The following RGS22 variants were observed in gnomAD, a reference collection of about 807,000 sequenced individuals.
RGS22 encodes the protein regulator of G protein signaling 22.
A neutral mutation model predicts 172.9 loss-of-function variants in RGS22; 148 were observed. That is an observed-to-expected ratio of 0.86 (90% CI 0.75 to 0.98). RGS22 has a LOEUF of 0.98. Among genes scored for constraint, RGS22 ranks in the 50% least tolerant of loss-of-function variants. The pLI, the probability that RGS22 is intolerant of heterozygous loss-of-function variation, is 0.00. For synonymous variants in RGS22, 458 were observed against 480.2 expected (o/e 0.95, Z 0.60); for missense variants, 1,347 against 1,440.8 (o/e 0.93, Z 1.05).
At chr8:100,039,234 C>T (rs1226869384) in intron 13 of RGS22, among the ~76,000 whole-genome samples, 1 of 152,098 alleles carries the variant, frequency 6.6e-6, no homozygotes, top group Non-Finnish European at 1.5e-5. Context: ...TATATTTTTG[C>T]ATGTATGCCT....
chr8:100,054,257 T>C (rs1297874413), intron 9 of RGS22: 1 of 152,304 alleles, frequency 6.6e-6, no homozygotes, highest in Non-Finnish European at 1.5e-5. Context: ...GACTAATTCT[T>C]ATTCCATATT....
chr8:100,009,408 A>T (rs1038635471), intron 14 of RGS22, among the ~76,000 whole-genome samples: 2 of 149,300 alleles, frequency 1.3e-5, no homozygotes, highest in African/African-American at 2.5e-5. Flanking sequence ...CTGGGTGACA[A>T]AGTGAGACTC....
At chr8:100,016,048 A>G (rs1029924326) in intron 14 of RGS22, among the ~76,000 whole-genome samples, 11 of 152,242 alleles carry the variant, frequency 7.2e-5, no homozygotes, top group African/African-American at 2.7e-4. Flanking sequence ...TCTATATTTA[A>G]TTGTCATCAG....
At chr8:100,052,086 T>G (rs1821641619) in intron 10 of RGS22, among the ~76,000 whole-genome samples, 1 of 87,562 alleles carries the variant, frequency 1.1e-5, no homozygotes, top group Non-Finnish European at 2.1e-5. Context: ...TGTTTATATA[T>G]ATTTATATAT....
chr8:100,077,488 T>C (rs1466135238), intron 4 of RGS22, among the ~76,000 whole-genome samples: 5 of 152,224 alleles, frequency 3.3e-5, no homozygotes, highest in African/African-American at 1.2e-4. Flanking sequence ...ACTTAGTCTT[T>C]GACCTATGAA....
At chr8:100,078,904 G>A (rs1034638452) in intron 4 of RGS22, among the ~76,000 whole-genome samples, 5 of 152,204 alleles carry the variant, frequency 3.3e-5, no homozygotes, top group African/African-American at 1.2e-4. Context: ...TGGGATTATA[G>A]GTGTGAGCCA....
At chr8:100,024,381 G>A (rs1589000385) in intron 14 of RGS22, among the ~76,000 whole-genome samples, 1 of 152,146 alleles carries the variant, frequency 6.6e-6, no homozygotes, top group South Asian at 2.1e-4. Context: ...ACACTCAGCT[G>A]GCTGTCATTT....
At chr8:100,004,998 T>C (rs1047852370) in intron 16 of RGS22, among the ~76,000 whole-genome samples, 2 of 151,998 alleles carry the variant, frequency 1.3e-5, no homozygotes, top group African/African-American at 4.8e-5. Flanking sequence ...TATTTGTTTT[T>C]GTAAAGGATC....
rs116388569 is a variant in RGS22, at chr8:100,000,778, A to G, written c.2791-1358T>C. Among the ~76,000 whole-genome samples the G allele has an allele frequency of 4.2e-3, 645 of 152,312 alleles. 7 individuals are homozygous for G. Among genetic ancestry groups the G allele is most frequent in the African/African-American group, 0.015 (605 of 41,574 alleles). ...CCAACCACTTTTGCTAATGTGTCCC[A>G]GATTTGTATCTCAGGGAACTAAGGA... On this transcript the variant is annotated intron_variant, in intron 18 of 27. Transcript: ENST00000360863.
intron 14 of RGS22, among the ~76,000 whole-genome samples, chr8:100,028,392 T>C (rs1323167525): frequency 6.6e-6 from 1 of 150,994 alleles, no homozygotes; most frequent in African/African-American, 2.4e-5. Flanking sequence ...CATGTTCCCT[T>C]ATTTAATACC....
intron 4 of RGS22, among the ~76,000 whole-genome samples, chr8:100,078,258 A>T (rs1811501685): frequency 6.6e-6 from 1 of 151,844 alleles, no homozygotes; most frequent in African/African-American, 2.4e-5. Flanking sequence ...TTATTTTTAG[A>T]AATGAGGCCT....
At chr8:99,972,927 G>A (rs566708166) in intron 23 of RGS22, among the ~76,000 whole-genome samples, 9 of 151,298 alleles carry the variant, frequency 5.9e-5, no homozygotes, top group Admixed American at 1.3e-4. Context: ...CCAGCTACTC[G>A]GGAGGCTGAG....
Position 100,063,838 on chromosome 8 carries a change from T to C in RGS22, c.930A>G (p.Ser310=). The C allele has an allele frequency of 6.2e-7, 1 of 1,610,398 alleles. No individual in the cohort carries two copies. The highest frequency in any genetic ancestry group is 1.7e-5 in the Admixed American group (1 of 59,168). Residue 310 remains serine, a synonymous_variant, in exon 8 of 28, where the codon TCA becomes TCG. Transcript: ENST00000360863. The part of the protein sequence containing the change: ...DVDESLTMHF[S]TCEEFLSSYI... ...AGGAGCTTAAAAATTCTTCACATGT[T>C]GAGAAATGCATTGTCAGGCTTTCAT...
chr8:100,072,191 CT>C lies in RGS22; in HGVS notation c.378del (p.Glu127LysfsTer17). ...CTTTCCAGAAATGCTGGAAGTCTTT[CT>C]TTTTTGATCCACTTAATACCTTCTT... ...SREEGIKWIK[K>X]ERLPAFLESD... is the part of the protein sequence containing the mutation. On this transcript the variant is annotated frameshift_variant, in exon 5 of 28. Transcript: ENST00000360863. LOFTEE classifies it high-confidence loss of function. 3 of 1,604,884 alleles carry C rather than the reference CT, an allele frequency of 1.9e-6. No homozygotes were observed. Among genetic ancestry groups the C allele is most frequent in the South Asian group, 2.2e-5 (2 of 89,620 alleles).
At chr8:100,035,148 A>G (rs191253145) in intron 14 of RGS22, among the ~76,000 whole-genome samples, 285 of 152,336 alleles carry the variant, frequency 1.9e-3, no homozygotes, top group African/African-American at 6.3e-3. Context: ...GGCAAAAGAA[A>G]CTACCATCAG....
rs377739675 is a variant in RGS22, at chr8:100,003,970, C to T, written c.2583G>A (p.Leu861=). 13 of 1,610,106 alleles carry T rather than the reference C, an allele frequency of 8.1e-6. No homozygotes were observed. Among genetic ancestry groups the T allele is most frequent in the Non-Finnish European group, 1.1e-5 (13 of 1,177,792 alleles). Residue 861 remains leucine, a synonymous_variant, in exon 17 of 28, where the codon CTG becomes CTA. Coordinates refer to ENST00000360863, the MANE Select transcript of RGS22 (RefSeq NM_015668.5). ...FKFSDLLNNK[L]EFEHFRQFLE... ...GAAACTGACGGAAATGTTCAAACTC[C>T]AGTTTGTTGTTAAGCAGATCACTAA...
intron 18 of RGS22, 56 bp from the exon 19 acceptor site, chr8:99,999,476 T>C: frequency 1.3e-6 from 2 of 1,568,594 alleles, no homozygotes; most frequent in Non-Finnish European, 1.7e-6. Flanking sequence ...GAAACACTAA[T>C]AGTCATTAAT....
At chr8:100,069,678 A>G (rs1810801288) in intron 6 of RGS22, among the ~76,000 whole-genome samples, 1 of 152,230 alleles carries the variant, frequency 6.6e-6, no homozygotes, top group Non-Finnish European at 1.5e-5. Context: ...TTTGGAATGA[A>G]CAATGAAACC....
Position 100,062,716 on chromosome 8 carries a change from G to A in RGS22, c.1389C>T (p.Ser463=), listed in dbSNP as rs1301210102. 4 of 1,600,982 alleles carry A rather than the reference G, an allele frequency of 2.5e-6. No homozygotes were observed. Among genetic ancestry groups the A allele is most frequent in the Non-Finnish European group, 3.4e-6 (4 of 1,175,206 alleles). Residue 463 remains serine, a synonymous_variant, in exon 9 of 28, where the codon AGC becomes AGT. Transcript: ENST00000360863. ...CTGCAGAAAGGTAGTAATCTCCATT[G>A]CTCACTAGATAGCATTTTTTCATCT... The part of the protein sequence containing the change: ...LEKMKKCYLV[S]NGDYYLSAEI...
Sources: gnomAD v4.1 joint callset for allele counts (sites outside exome capture counted in the v4.1 genomes callset) on GRCh38, gnomAD v4.1.1 for gene constraint, MANE v1.5 for transcripts, NCBI Gene and HGNC (gene_info 2026-07-23, HGNC 2026-07-21) for gene names.